Variants in USP31 observed in about 807,000 individuals in gnomAD.
The protein encoded by USP31 is ubiquitin carboxyl-terminal hydrolase 31.
In USP31, 44 loss-of-function variants were observed where a neutral mutation model predicts 119.4. That is an observed-to-expected ratio of 0.37 (90% CI 0.29 to 0.47). The LOEUF is 0.47. USP31 is among the 20% of genes least tolerant of loss of function. USP31 has a pLI of 0.99. For synonymous variants in USP31, 749 were observed against 705.6 expected (o/e 1.06, Z -0.97); for missense variants, 1,643 against 1,730.2 (o/e 0.95, Z 0.89).
intron 1 of USP31, among the ~76,000 whole-genome samples, chr16:23,139,911 A>C (rs1014853323): frequency 3.3e-5 from 5 of 152,206 alleles, no homozygotes; most frequent in Admixed American, 1.3e-4. Flanking sequence ...CCTTGGCCTG[A>C]AACCTCAGTA....
chr16:23,120,461 G>A (rs1253391264), intron 1 of USP31, among the ~76,000 whole-genome samples: 1 of 152,192 alleles, frequency 6.6e-6, no homozygotes, highest in African/African-American at 2.4e-5. Flanking sequence ...TCCATTTATA[G>A]TAACTCTAAA....
chr16:23,096,353 T>TA (rs1901613958), intron 6 of USP31, among the ~76,000 whole-genome samples: 1 of 152,098 alleles, frequency 6.6e-6, no homozygotes, highest in Non-Finnish European at 1.5e-5. Flanking sequence ...AGCAAGTCCT[T>TA]AGAGACCTAC....
At position 23,064,836 on chromosome 16, in the gene USP31, GA is replaced by G. The variant is rs3841243; in HGVS notation, c.*3209del. 0.27 allele frequency: 41,553 copies of G among 152,002 alleles called. 6,112 individuals are homozygous for G. Among genetic ancestry groups the G allele is most frequent in the Admixed American group, 0.35 (5,312 of 15,278 alleles). 9.4% of individuals were successfully genotyped at this position (152,002 alleles called of 1,614,324 possible). ...CATAAACGTTTGCAGAATGAATGAT[GA>G]AAACAAGATTGCAAAAGCGTGTCAG... On this transcript the variant is annotated 3_prime_UTR_variant, in exon 16 of 16. Coordinates refer to ENST00000219689, the MANE Select transcript of USP31 (RefSeq NM_020718.4).
rs918510679 is a variant in USP31 at position 23,105,378 on chromosome 16, C to A, written c.1089+63G>T. The A allele has an allele frequency of 2.6e-5, 38 of 1,457,740 alleles. No homozygotes were observed. In the African/African-American group the frequency reaches 5.4e-4, roughly 21 times the overall value. 90.3% of individuals were successfully genotyped at this position (1,457,740 alleles called of 1,614,324 possible). On this transcript the variant is annotated intron_variant, in intron 5 of 15. Coordinates refer to ENST00000219689, the MANE Select transcript of USP31 (RefSeq NM_020718.4). Reference sequence around the variant, plus strand: ...ACTTGGCAAAGAACTGTAAAAAATTCTAAGAGAACAGAAAGCAATACTTTT... The same window carrying A: ...ACTTGGCAAAGAACTGTAAAAAATTATAAGAGAACAGAAAGCAATACTTTT...
At chr16:23,129,183 G>C (rs775269617) in intron 1 of USP31, among the ~76,000 whole-genome samples, 1 of 152,078 alleles carries the variant, frequency 6.6e-6, no homozygotes, top group South Asian at 2.1e-4. Flanking sequence ...TGCTCTACTA[G>C]ACAAACACGC....
chr16:23,097,677 A>G (rs1276865895), intron 6 of USP31, among the ~76,000 whole-genome samples: 2 of 152,376 alleles, frequency 1.3e-5, no homozygotes, highest in East Asian at 1.9e-4. Flanking sequence ...AACATATGCA[A>G]ATCAATAAAT....
chr16:23,082,843 T>A (rs2141842397), intron 11 of USP31, among the ~76,000 whole-genome samples: 1 of 150,044 alleles, frequency 6.7e-6, no homozygotes, highest in East Asian at 1.9e-4. Flanking sequence ...TTTTTTTTTT[T>A]TTTTTGAAAC....
rs948104937 is a variant in USP31 at position 23,066,939 on chromosome 16, A to G, written c.*1107T>C. The G allele has an allele frequency of 3.9e-5, 6 of 152,240 alleles. No homozygotes were observed. The highest frequency in any genetic ancestry group is 5.9e-5 in the Non-Finnish European group (4 of 68,044). 9.4% of individuals were successfully genotyped at this position (152,240 alleles called of 1,614,324 possible). On this transcript the variant is annotated 3_prime_UTR_variant, in exon 16 of 16. Transcript: ENST00000219689. ...GACTGACAGACAGGATCTGAAGTGC[A>G]TATGTAACACTTGATCACACAACGC...
chr16:23,085,971 A>C (rs925580167), intron 9 of USP31, among the ~76,000 whole-genome samples: 1 of 152,244 alleles, frequency 6.6e-6, no homozygotes, highest in East Asian at 1.9e-4. Flanking sequence ...TGACCTTCCC[A>C]ATTTCTTGCC....
At chr16:23,106,702 G>A (rs1412920563) in intron 2 of USP31, among the ~76,000 whole-genome samples, 4 of 152,194 alleles carry the variant, frequency 2.6e-5, no homozygotes, top group Non-Finnish European at 4.4e-5. Flanking sequence ...GCCAGCAATC[G>A]TCTCTGCACA....
intron 5 of USP31, among the ~76,000 whole-genome samples, chr16:23,103,716 A>C (rs936060769): frequency 6.6e-6 from 1 of 152,198 alleles, no homozygotes; most frequent in African/African-American, 2.4e-5. Context: ...GGAGTTCAAG[A>C]CCAGCCTGGG....
At chr16:23,125,932 G>A (rs945613999) in intron 1 of USP31, among the ~76,000 whole-genome samples, 1 of 152,130 alleles carries the variant, frequency 6.6e-6, no homozygotes, top group African/African-American at 2.4e-5. Flanking sequence ...ATTGCTCAAA[G>A]TAAAGTAAAT....
Position 23,069,022 on chromosome 16 carries a change from C to T in USP31, c.3083G>A (p.Ser1028Asn), listed in dbSNP as rs750929002. 1.9e-6 allele frequency: 3 copies of T among 1,613,704 alleles called. No individual in the cohort carries two copies. In the Admixed American group the frequency reaches 5.0e-5, roughly 27 times the overall value. ...KPESTTKRSP[S>N]SKGTSEPEKS... ...CTCTGGCTCAGAAGTGCCTTTGGAA[C>T]TGGGGGATCTCTTAGTTGTGCTCTC... The change falls in exon 16 of 16, where the codon AGT (serine) becomes AAT (asparagine). Residue 1028 changes from serine to asparagine, a missense_variant. Around this residue, in one of 5 missense-constraint regions of USP31, gnomAD observed 699 missense variants for 650.9 expected, o/e 1.07. Transcript: ENST00000219689.
intron 8 of USP31, 103 bp downstream of exon 8, chr16:23,087,621 G>T: frequency 9.3e-7 from 1 of 1,080,674 alleles, no homozygotes; most frequent in Non-Finnish European, 1.3e-6. Flanking sequence ...TAAATTCTCA[G>T]TCCTGGAAAT....
rs1900228378 is a variant in USP31 at position 23,069,083 on chromosome 16, C to G, written c.3022G>C (p.Ala1008Pro). The change falls in exon 16 of 16, where the codon GCC becomes CCC. Residue 1008 changes from alanine to proline, a missense_variant. Physicochemically the swap from Ala to Pro is conservative, Grantham distance 27. This residue lies in a region of USP31 where 699 missense variants were observed against 650.9 expected (regional missense o/e 1.07). Coordinates refer to ENST00000219689, the MANE Select transcript of USP31 (RefSeq NM_020718.4). The stretch of plus-strand genomic sequence containing the variant: ...GCGAGTGAGCCTGGGTGGCTGGGGG[C>G]TTTCACCTCTTTGACTGGAGAGCTG... ...VDSSPVKEVK[A>P]PSHPGSLAKK... The G allele has an allele frequency of 6.2e-7, 1 of 1,612,360 alleles. No individual in the cohort carries two copies. Among genetic ancestry groups the G allele is most frequent in the African/African-American group, 1.3e-5 (1 of 75,030 alleles).
chr16:23,094,214 G>A (rs1901500587), intron 6 of USP31, among the ~76,000 whole-genome samples: 1 of 152,144 alleles, frequency 6.6e-6, no homozygotes, highest in Admixed American at 6.5e-5. Context: ...TGGCTCGGTG[G>A]GTCCCATGCC....
At chr16:23,114,471 A>T (rs1039457327) in intron 1 of USP31, among the ~76,000 whole-genome samples, 5 of 151,666 alleles carry the variant, frequency 3.3e-5, no homozygotes, top group Non-Finnish European at 7.4e-5. Context: ...AAAAAAAAAG[A>T]AAGTTTCAAC....
In USP31 at chr16:23,068,491, C is replaced by T. The variant is rs114089942; in HGVS notation, c.3614G>A (p.Arg1205His). The change falls in exon 16 of 16, where the codon CGC becomes CAC. Residue 1205 changes from arginine to histidine, a missense_variant. Around this residue, in one of 5 missense-constraint regions of USP31, gnomAD observed 699 missense variants for 650.9 expected, o/e 1.07. Transcript: ENST00000219689. ...AGACTTGATGCTTGTGCTGGGGGAG[C>T]GCAGGCTGGCCATGGAGGAGCTCCG... The part of the protein sequence containing the change: ...HVRSSSMASL[R>H]SPSTSIKSGL... 2.4e-5 allele frequency: 39 copies of T among 1,613,392 alleles called. No individual in the cohort carries two copies. In the East Asian group the frequency reaches 7.1e-4, roughly 30 times the overall value.
chr16:23,148,762 G>T lies in USP31; in HGVS notation c.509C>A (p.Pro170His). 6.6e-7 allele frequency: 1 copy of T among 1,522,546 alleles called. No homozygotes were observed. The highest frequency in any genetic ancestry group is 8.8e-7 in the Non-Finnish European group (1 of 1,140,230). The allele number at this position is 1,522,546 out of a possible 1,614,324, so 94.3% of individuals were successfully genotyped here. A position where few individuals can be genotyped will look rare whatever the true frequency, so the allele number is the denominator to read the frequency against. ...GCGGCCCGCAGGCTGCTCCGGGTCAGGCGAGGGCTCGGGCCGCCCCGCCCG... is the reference window on the plus strand; with the variant it reads ...GCGGCCCGCAGGCTGCTCCGGGTCATGCGAGGGCTCGGGCCGCCCCGCCCG... The part of the protein sequence containing the change: ...QYRAGRPEPS[P>H]DPEQPAGRGA... The change falls in exon 1 of 16, where the codon CCT becomes CAT. Residue 170 changes from proline to histidine, a missense_variant. Coordinates refer to ENST00000219689, the MANE Select transcript of USP31 (RefSeq NM_020718.4).
Sources: allele counts gnomAD v4.1 joint callset (sites outside exome capture counted in the v4.1 genomes callset), GRCh38; gene constraint gnomAD v4.1.1; regional missense constraint gnomAD v4.1.1; transcripts MANE v1.5; gene names NCBI Gene and HGNC (gene_info 2026-07-23, HGNC 2026-07-21).